The following MME variants were observed in gnomAD, a reference collection of about 807,000 sequenced individuals.
MME encodes neprilysin.
A neutral mutation model predicts 113.2 loss-of-function variants in MME; 98 were observed. The ratio of observed to expected loss-of-function variants is 0.87; its 90% CI spans 0.74 to 1.02. The LOEUF is 1.02. MME is among the 50% of genes least tolerant of loss of function. The probability of loss-of-function intolerance (pLI) is 0.00; values close to 1 mark genes in which losing one functional copy is unlikely to be tolerated. For synonymous variants in MME, 292 were observed against 300.6 expected (o/e 0.97, Z 0.30); for missense variants, 836 against 896.0 (o/e 0.93, Z 0.86).
At chr3:155,040,822 A>C (rs765058768) in intron 1 of MME, among the ~76,000 whole-genome samples, 1 of 152,184 alleles carries the variant, frequency 6.6e-6, no homozygotes, top group Non-Finnish European at 1.5e-5. Flanking sequence ...ATAACCTTAT[A>C]ATGTCATGAT....
chr3:155,151,354 G>A (rs956014260), intron 16 of MME, among the ~76,000 whole-genome samples: 1 of 152,100 alleles, frequency 6.6e-6, no homozygotes, highest in African/African-American at 2.4e-5. Context: ...AAATGATGAT[G>A]CATTAAATTT....
Position 155,148,554 on chromosome 3 carries a change from A to ATG in MME, c.1502_1503insTG (p.Tyr502AlafsTer11), listed in dbSNP as rs2108325656. The ATG allele has an allele frequency of 6.3e-7, 1 of 1,595,476 alleles. No homozygotes were observed. The highest frequency in any genetic ancestry group is 8.6e-7 in the Non-Finnish European group (1 of 1,163,634). ...CAAATCTTCTTTATAATACAGTTGAACTACAAAGAAGATGAATACTTCGAG... is the reference window on the plus strand; with the variant it reads ...CAAATCTTCTTTATAATACAGTTGAATGCTACAAAGAAGATGAATACTTCGAG... On this transcript the variant is annotated frameshift_variant, in exon 16 of 23. Transcript: ENST00000360490. LOFTEE classifies it high-confidence loss of function.
chr3:155,163,592 A>AT (rs1338212663), intron 17 of MME, among the ~76,000 whole-genome samples: 1 of 152,204 alleles, frequency 6.6e-6, no homozygotes, highest in African/African-American at 2.4e-5. Context: ...CAGTCATCTT[A>AT]TTAAACCTTA....
At chr3:155,039,622 A>G (rs1713241241) in intron 1 of MME, among the ~76,000 whole-genome samples, 1 of 152,186 alleles carries the variant, frequency 6.6e-6, no homozygotes, top group African/African-American at 2.4e-5. Flanking sequence ...ATAGTAGTGT[A>G]TCAAAGATAA....
intron 3 of MME, among the ~76,000 whole-genome samples, chr3:155,107,925 A>T (rs994800703): frequency 6.6e-6 from 1 of 152,240 alleles, no homozygotes. Flanking sequence ...TTGAAGCACA[A>T]GAAGGCTGTG....
intron 1 of MME, among the ~76,000 whole-genome samples, chr3:155,056,194 A>G (rs1183380781): frequency 6.6e-6 from 1 of 151,962 alleles, no homozygotes; most frequent in Non-Finnish European, 1.5e-5. Flanking sequence ...TATTATTATT[A>G]TACTTTAAGT....
chr3:155,134,368 C>T (rs1720446672), intron 8 of MME, among the ~76,000 whole-genome samples: 2 of 152,072 alleles, frequency 1.3e-5, no homozygotes, highest in South Asian at 4.1e-4. Flanking sequence ...TTAGCTCCTA[C>T]TTATAAATGA....
intron 1 of MME, among the ~76,000 whole-genome samples, chr3:155,053,549 C>T (rs1247057627): frequency 6.6e-6 from 1 of 152,128 alleles, no homozygotes; most frequent in Admixed American, 6.5e-5. Context: ...TATTCAATTA[C>T]CTCCCATAGA....
At chr3:155,072,885 A>G (rs1399684064) in intron 1 of MME, among the ~76,000 whole-genome samples, 2 of 152,202 alleles carry the variant, frequency 1.3e-5, no homozygotes, top group Non-Finnish European at 2.9e-5. Flanking sequence ...GTTTTTTAAA[A>G]ACTATGTTGG....
intron 21 of MME, 79 bp from the exon 22 acceptor site, chr3:155,172,457 C>G: frequency 1.7e-6 from 2 of 1,158,398 alleles, no homozygotes; most frequent in Non-Finnish European, 2.6e-6. Context: ...AATTTTTCTC[C>G]TTCCCCTCAA....
intron 1 of MME, among the ~76,000 whole-genome samples, chr3:155,040,923 C>T (rs543094303): frequency 6.6e-6 from 1 of 152,096 alleles, no homozygotes; most frequent in Non-Finnish European, 1.5e-5. Flanking sequence ...ATTTGTGGCT[C>T]AAACCATTAG....
chr3:155,039,670 A>T (rs2108119253), intron 1 of MME, among the ~76,000 whole-genome samples: 1 of 152,318 alleles, frequency 6.6e-6, no homozygotes, highest in East Asian at 1.9e-4. Flanking sequence ...ATTATGTAAG[A>T]GAATTCCTGG....
intron 1 of MME, among the ~76,000 whole-genome samples, chr3:155,054,343 T>G (rs1392776997): frequency 6.6e-6 from 1 of 152,142 alleles, no homozygotes; most frequent in Non-Finnish European, 1.5e-5. Context: ...CTAGATAATT[T>G]TGGAACATTC....
intron 9 of MME, among the ~76,000 whole-genome samples, chr3:155,138,558 A>C (rs185737441): frequency 5.3e-5 from 8 of 152,328 alleles, no homozygotes; most frequent in African/African-American, 1.9e-4. Flanking sequence ...GACTCAGAGC[A>C]AATGCAAAGC....
chr3:155,159,801 T>C (rs1722582234), intron 16 of MME, among the ~76,000 whole-genome samples: 1 of 152,068 alleles, frequency 6.6e-6, no homozygotes, highest in Non-Finnish European at 1.5e-5. Flanking sequence ...GACCTGGGTT[T>C]CATTTTAAAG....
chr3:155,112,340 C>T lies in MME; in HGVS notation c.197-2654C>T, dbSNP rs549408071. The T allele has an allele frequency of 3.9e-5, 6 of 152,080 alleles. No individual in the cohort carries two copies. The South Asian group carries it at 1.2e-3, about 32-fold the overall frequency. 9.4% of individuals were successfully genotyped at this position (152,080 alleles called of 1,614,324 possible). A position where few individuals can be genotyped will look rare whatever the true frequency, so the allele number is the denominator to read the frequency against. On this transcript the variant is annotated intron_variant, in intron 3 of 22. Coordinates refer to ENST00000360490, the MANE Select transcript of MME (RefSeq NM_007289.4). ...TAATATGAAATAATATTTATTAGTA[C>T]GTATAGGGGCTGGGTAACATGCTCA...
At chr3:155,097,015 G>T (rs541994775) in intron 3 of MME, among the ~76,000 whole-genome samples, 1 of 152,344 alleles carries the variant, frequency 6.6e-6, no homozygotes, top group South Asian at 2.1e-4. Flanking sequence ...GTGAGGTTGT[G>T]AAAAGGAAGT....
intron 3 of MME, among the ~76,000 whole-genome samples, chr3:155,088,421 C>G (rs147151231): frequency 6.6e-6 from 1 of 152,076 alleles, no homozygotes. Context: ...CGGTGGCTCA[C>G]GCCTGTAATC....
At chr3:155,094,381 C>A (rs142439786) in intron 3 of MME, among the ~76,000 whole-genome samples, 8 of 152,242 alleles carry the variant, frequency 5.3e-5, no homozygotes, top group African/African-American at 1.9e-4. Flanking sequence ...CTAACGACAG[C>A]CTATTTCATG....
Sources: allele counts gnomAD v4.1 joint callset (sites outside exome capture counted in the v4.1 genomes callset), GRCh38; gene constraint gnomAD v4.1.1; transcripts MANE v1.5; gene names NCBI Gene and HGNC (gene_info 2026-07-23, HGNC 2026-07-21).